STX3: variants seen among roughly 807,000 people sequenced by gnomAD.
The protein encoded by STX3 is syntaxin-3.
In STX3, 19 loss-of-function variants were observed where a neutral mutation model predicts 40.2. The ratio of observed to expected loss-of-function variants is 0.47; its 90% CI spans 0.33 to 0.69. The LOEUF is 0.69. Among genes scored for constraint, STX3 ranks in the 30% least tolerant of loss-of-function variants. STX3 has a pLI of 0.02. For synonymous variants in STX3, 122 were observed against 132.2 expected, an observed-to-expected ratio of 0.92 and a Z score of 0.53; for missense variants, 364 against 366.7, an observed-to-expected ratio of 0.99 and a Z score of 0.06.
intron 1 of STX3, among the ~76,000 whole-genome samples, chr11:59,761,393 C>T (rs1267214233): frequency 6.6e-6 from 1 of 152,174 alleles, no homozygotes; most frequent in Non-Finnish European, 1.5e-5. Context: ...TACAAATAGC[C>T]ACATGGTATT....
At chr11:59,797,720 A>G (rs114095056) in intron 10 of STX3, among the ~76,000 whole-genome samples, 7,390 of 152,248 alleles carry the variant, frequency 0.049, 377 homozygotes, top group African/African-American at 0.12. Context: ...AGTTGGGTAC[A>G]TCTCTGTCTT....
intron 1 of STX3, among the ~76,000 whole-genome samples, chr11:59,770,927 A>C (rs1863586396): frequency 1.3e-5 from 2 of 152,086 alleles, no homozygotes; most frequent in Admixed American, 1.3e-4. Context: ...GAAGCATGGG[A>C]ATGAGGGCAG....
In STX3 at chr11:59,800,846, G is replaced by A; in HGVS notation, c.*31-9G>A. On this transcript the variant is annotated splice_polypyrimidine_tract_variant and intron_variant, in intron 10 of 10. Coordinates refer to ENST00000337979, the MANE Select transcript of STX3 (RefSeq NM_004177.5). The stretch of plus-strand genomic sequence containing the variant: ...GTACTGATCAGCTCCTCCTTTCCCT[G>A]CCTCCTAGAAACTGATTTCACTCCA... 3.9e-6 allele frequency: 6 copies of A among 1,536,260 alleles called. No homozygotes were observed. The highest frequency in any genetic ancestry group is 5.2e-6 in the Non-Finnish European group (6 of 1,146,872).
chr11:59,774,724 G>A (rs570394226), intron 2 of STX3, among the ~76,000 whole-genome samples: 20 of 152,138 alleles, frequency 1.3e-4, no homozygotes, highest in Non-Finnish European at 2.2e-4. Context: ...CCAGCTACCC[G>A]AGAGGCTGAG....
intron 3 of STX3, among the ~76,000 whole-genome samples, chr11:59,787,904 A>T (rs139307801): frequency 1.3e-4 from 20 of 152,254 alleles, no homozygotes; most frequent in Non-Finnish European, 2.6e-4. Flanking sequence ...CATTTTTCCC[A>T]TGGGCCCTCT....
intron 2 of STX3, among the ~76,000 whole-genome samples, chr11:59,780,312 A>T (rs1029924444): frequency 2.0e-5 from 3 of 152,094 alleles, no homozygotes; most frequent in Non-Finnish European, 4.4e-5. Flanking sequence ...GAGAAAGATG[A>T]TCTCTCTCTC....
chr11:59,769,850 G>C (rs1044968845), intron 1 of STX3, among the ~76,000 whole-genome samples: 1 of 148,592 alleles, frequency 6.7e-6, no homozygotes, highest in African/African-American at 2.6e-5. Context: ...GTGTGTGTGT[G>C]TATGTATGTG....
At position 59,804,615 on chromosome 11, in the gene STX3, A is replaced by G. The variant is rs1434959091; in HGVS notation, c.*3791A>G. The G allele has an allele frequency of 2.6e-5, 4 of 152,238 alleles. No homozygotes were observed. Among genetic ancestry groups the G allele is most frequent in the African/African-American group, 9.6e-5 (4 of 41,462 alleles). 9.4% of individuals were successfully genotyped at this position (152,238 alleles called of 1,614,324 possible). ...CCCCATTACCACAACATGAAAATTT[A>G]AAGTGCTTTTTCTATGGGTGGTGAT... On this transcript the variant is annotated 3_prime_UTR_variant, in exon 11 of 11. Coordinates refer to ENST00000337979, the MANE Select transcript of STX3 (RefSeq NM_004177.5).
In STX3 at chr11:59,801,512, T is replaced by TC. The variant is rs1423413770; in HGVS notation, c.*689dup. On this transcript the variant is annotated 3_prime_UTR_variant, in exon 11 of 11. Transcript: ENST00000337979. ...TCAAGGAGGGACCAGGATGATACAG[T>TC]CATCTGAGGTTATGCTTTGCAAAAG... is the stretch of plus-strand genomic sequence containing the variant. 17 of 985,348 alleles carry TC rather than the reference T, an allele frequency of 1.7e-5. No homozygotes were observed. Among genetic ancestry groups the TC allele is most frequent in the Non-Finnish European group, 1.9e-5 (16 of 829,978 alleles). 61.0% of individuals were successfully genotyped at this position (985,348 alleles called of 1,614,324 possible).
intron 1 of STX3, among the ~76,000 whole-genome samples, chr11:59,763,278 G>A (rs1863129317): frequency 6.6e-6 from 1 of 152,152 alleles, no homozygotes; most frequent in Non-Finnish European, 1.5e-5. Context: ...GTTCCTTACT[G>A]TGTGATTCTG....
At position 59,781,808 on chromosome 11, in the gene STX3, A is replaced by G. The variant is rs1024496863; in HGVS notation, c.115-5229A>G. The G allele has an allele frequency of 4.8e-6, 6 of 1,237,884 alleles. No homozygotes were observed. In the African/African-American group the frequency reaches 1.2e-4, roughly 25 times the overall value. 76.7% of individuals were successfully genotyped at this position (1,237,884 alleles called of 1,614,324 possible). ...CAAATTAAAGAGGACTTGACTGAGC[A>G]GCTCTAATATGAAGACTGCTTGGGA... On this transcript the variant is annotated intron_variant, in intron 2 of 10. Coordinates refer to ENST00000337979, the MANE Select transcript of STX3 (RefSeq NM_004177.5).
chr11:59,786,992 G>C (rs779058074), intron 2 of STX3, 45 bp from the exon 3 acceptor site: 7 of 1,548,316 alleles, frequency 4.5e-6, no homozygotes, highest in South Asian at 1.1e-5. Context: ...CCATGGACCT[G>C]TACTTCCTCT....
chr11:59,793,527 G>A lies in STX3; in HGVS notation c.675+13G>A, dbSNP rs373190502. 3.7e-6 allele frequency: 6 copies of A among 1,608,620 alleles called. No homozygotes were observed. In the South Asian group the frequency reaches 6.6e-5, roughly 18 times the overall value. On this transcript the variant is annotated intron_variant, in intron 8 of 10. Transcript: ENST00000337979. ...GGTGGAGAATCAGGTAAGTGGCAGT[G>A]AGTCCCAGCGTGGGGAGGGAGGAGA...
At chr11:59,789,036 T>C (rs1565184496) in intron 4 of STX3, 89 bp downstream of exon 4, 2 of 1,171,276 alleles carry the variant, frequency 1.7e-6, no homozygotes, top group Non-Finnish European at 2.4e-6. Context: ...GAAACTCCTC[T>C]TGATGGAAGT....
intron 1 of STX3, among the ~76,000 whole-genome samples, chr11:59,767,160 T>C (rs903123994): frequency 6.6e-6 from 1 of 152,088 alleles, no homozygotes; most frequent in Non-Finnish European, 1.5e-5. Flanking sequence ...TAACCCTGGC[T>C]GTCCTTTCTG....
rs493567 is a variant in STX3, at chr11:59,803,581, G to A, written c.*2757G>A. 0.012 allele frequency among the ~76,000 whole-genome samples: 1,769 copies of A among 152,260 alleles called. 36 individuals are homozygous for A. Among genetic ancestry groups the A allele is most frequent in the African/African-American group, 0.04 (1,653 of 41,552 alleles). On this transcript the variant is annotated 3_prime_UTR_variant, in exon 11 of 11. Coordinates refer to ENST00000337979, the MANE Select transcript of STX3 (RefSeq NM_004177.5). ...GAAGGATAGTGATTCCTGCTAAACA[G>A]TTTGAGCCTTGGTATCTGGAAGTGA...
chr11:59,766,974 A>G (rs1323025699), intron 1 of STX3, among the ~76,000 whole-genome samples: 1 of 152,234 alleles, frequency 6.6e-6, no homozygotes, highest in Non-Finnish European at 1.5e-5. Context: ...AAATATTTTT[A>G]TAAATTATAT....
chr11:59,784,711 T>C (rs1050324202), intron 2 of STX3, among the ~76,000 whole-genome samples: 1 of 152,146 alleles, frequency 6.6e-6, no homozygotes, highest in East Asian at 1.9e-4. Flanking sequence ...TTGTGAGACT[T>C]ACTATCATGA....
intron 3 of STX3, 128 bp downstream of exon 3, chr11:59,787,264 A>C: frequency 1.4e-6 from 1 of 696,754 alleles, no homozygotes; most frequent in Non-Finnish European, 2.3e-6. Context: ...TGTACATATT[A>C]TCTCATTTCC....
Sources: allele counts gnomAD v4.1 joint callset (sites outside exome capture counted in the v4.1 genomes callset), GRCh38; gene constraint gnomAD v4.1.1; transcripts MANE v1.5; gene names NCBI Gene and HGNC (gene_info 2026-07-23, HGNC 2026-07-21).